TJP2: variants seen among roughly 807,000 people sequenced by gnomAD.
TJP2 encodes Friedreich ataxia region gene X104 (tight junction protein ZO-2).
In TJP2, 91 loss-of-function variants were observed where a neutral mutation model predicts 133.1. The ratio of observed to expected loss-of-function variants is 0.68; its 90% CI spans 0.58 to 0.81. TJP2 has a LOEUF of 0.81. Ranked by LOEUF, TJP2 falls within the 40% of genes least tolerant of loss-of-function variation. The pLI is 0.00. For missense variants in TJP2, 1,541 were observed against 1,565.6 expected, an observed-to-expected ratio of 0.98 and a Z score of 0.26; for synonymous variants, 592 against 583.4, an observed-to-expected ratio of 1.01 and a Z score of -0.21.
At chr9:69,144,586 A>G (rs1419906354) in intron 1 of TJP2, among the ~76,000 whole-genome samples, 1 of 152,218 alleles carries the variant, frequency 6.6e-6, no homozygotes, top group Non-Finnish European at 1.5e-5. Flanking sequence ...CTAAAATTAA[A>G]TTTCACAAAA....
At chr9:69,178,537 T>C (rs1021586764) in intron 1 of TJP2, among the ~76,000 whole-genome samples, 1 of 152,226 alleles carries the variant, frequency 6.6e-6, no homozygotes, top group Admixed American at 6.5e-5. Flanking sequence ...GAGAGCCTGG[T>C]ATACCTTGAC....
chr9:69,239,494 G>A (rs558460599), intron 16 of TJP2, among the ~76,000 whole-genome samples: 5 of 152,284 alleles, frequency 3.3e-5, no homozygotes, highest in African/African-American at 4.8e-5. Flanking sequence ...TGGGCATTAG[G>A]TAGAAGGAAA....
rs375746056 is a variant in TJP2 at position 69,205,120 on chromosome 9, C to T, written c.61-7428C>T. On this transcript the variant is annotated intron_variant, in intron 1 of 22. Transcript: ENST00000377245. ...GAGTGATGGAAATGGGTGAGCAGCC[C>T]GGAATGTAGGCGGTGGCCTGGCCCA... The T allele has an allele frequency of 2.1e-5, 33 of 1,536,190 alleles. No homozygotes were observed. The East Asian group carries it at 3.9e-4, about 18-fold the overall frequency.
Position 69,237,156 on chromosome 9 carries a change from C to T in TJP2, c.2179+20C>T. The stretch of plus-strand genomic sequence containing the variant: ...GAGAAGGTGAGGAAGTCACATGGGG[C>T]CTGGAAATGAACTGACTGGGCTCTG... On this transcript the variant is annotated intron_variant, in intron 14 of 22. Coordinates refer to ENST00000377245, the MANE Select transcript of TJP2 (RefSeq NM_004817.4). 1 of 1,613,756 alleles carries T rather than the reference C, an allele frequency of 6.2e-7. No homozygotes were observed. Among genetic ancestry groups the T allele is most frequent in the Non-Finnish European group, 8.5e-7 (1 of 1,179,796 alleles).
rs10543289 is a variant in TJP2, at chr9:69,152,817, C to CTTTTTTTTTTTT, written c.-10+1066_-10+1077dup. On this transcript the variant is annotated intron_variant, in intron 2 of 5. Transcript: ENST00000423935. ...TTACTGAAATGTTCTCTCTGGAGCT[C>CTTTTTTTTTTTT]TTTTTTTTTTTTTTTTTTTTTTTTT... Among the ~76,000 whole-genome samples the CTTTTTTTTTTTT allele has an allele frequency of 7.1e-4, 34 of 48,032 alleles. 5 individuals carry two copies. The highest frequency in any genetic ancestry group is 9.9e-4 in the Non-Finnish European group (25 of 25,222). 31.5% of individuals were successfully genotyped at this position (48,032 alleles called of 152,430 possible). A position where few individuals can be genotyped will look rare whatever the true frequency, so the allele number is the denominator to read the frequency against.
chr9:69,163,398 G>A (rs149260959), intron 2 of TJP2, among the ~76,000 whole-genome samples: 15,496 of 152,018 alleles, frequency 0.1, 868 homozygotes, highest in South Asian at 0.17. Context: ...CACTTTGGGA[G>A]GCCAAGGCAG....
At chr9:69,169,349 T>C (rs944791396), upstream of TJP2, among the ~76,000 whole-genome samples, 2 of 133,510 alleles carry the variant, frequency 1.5e-5, no homozygotes, top group African/African-American at 5.9e-5. Flanking sequence ...CCTGTAAACT[T>C]TTCTCTTTTT....
chr9:69,218,184 T>G, intron 3 of TJP2, 73 bp from the exon 4 acceptor site: 1 of 1,272,420 alleles, frequency 7.9e-7, no homozygotes, highest in Non-Finnish European at 1.1e-6. Context: ...CTGCTTCTAT[T>G]TGTTCCTAAA....
chr9:69,237,687 A>G (rs1830291732), intron 14 of TJP2, among the ~76,000 whole-genome samples, 191 bp from the exon 15 acceptor site: 1 of 152,182 alleles, frequency 6.6e-6, no homozygotes, highest in Non-Finnish European at 1.5e-5. Context: ...GGTTGAATGA[A>G]AAGAAAAAAA....
chr9:69,158,333 A>G (rs1443350348), intron 2 of TJP2, among the ~76,000 whole-genome samples: 2 of 146,306 alleles, frequency 1.4e-5, no homozygotes, highest in African/African-American at 5.1e-5. Flanking sequence ...GCCTCAAAAA[A>G]AAAAAAAAAA....
At chr9:69,161,448 C>T (rs562558275) in intron 2 of TJP2, among the ~76,000 whole-genome samples, 2 of 152,076 alleles carry the variant, frequency 1.3e-5, no homozygotes, top group Admixed American at 6.6e-5. Context: ...AGGCAGGTCT[C>T]GAACTCCTGA....
In TJP2 at chr9:69,221,091, C is replaced by A. The variant is rs773854691; in HGVS notation, c.547C>A (p.Arg183=). ...CCCGGAAAGGGGGCGTCCCCATGAG[C>A]GGGCCCGGAGCCGGGAGCGGGACCT... ...DSPERGRPHE[R]ARSRERDLSR... The change falls in exon 5 of 23, where the codon CGG becomes AGG. Residue 183 remains arginine (R), a synonymous_variant. Coordinates refer to ENST00000377245, the MANE Select transcript of TJP2 (RefSeq NM_004817.4). 8 of 1,585,870 alleles carry A rather than the reference C, an allele frequency of 5.0e-6. No individual in the cohort carries two copies. In the East Asian group the frequency reaches 1.6e-4, roughly 32 times the overall value.
At chr9:69,136,345 TTCATCTC>T (rs2133262700) in intron 1 of TJP2, among the ~76,000 whole-genome samples, 1 of 152,288 alleles carries the variant, frequency 6.6e-6, no homozygotes, top group African/African-American at 2.4e-5. Context: ...ATAGTGAGAC[TTCATCTC>T]TACTGAAAAA....
chr9:69,130,755 T>G (rs2133235026), intron 1 of TJP2, among the ~76,000 whole-genome samples: 1 of 151,802 alleles, frequency 6.6e-6, no homozygotes, highest in East Asian at 1.9e-4. Flanking sequence ...AGGAATACTG[T>G]GGGGAGGGGT....
chr9:69,242,540 T>C (rs1830645510), intron 17 of TJP2, among the ~76,000 whole-genome samples: 1 of 152,214 alleles, frequency 6.6e-6, no homozygotes, highest in Non-Finnish European at 1.5e-5. Context: ...ATCTAAAACA[T>C]TGAAGTGATC....
chr9:69,173,346 T>A (rs114847434), upstream of TJP2, among the ~76,000 whole-genome samples: 52 of 152,312 alleles, frequency 3.4e-4, no homozygotes, highest in African/African-American at 1.1e-3. Context: ...TTATATGCTC[T>A]TAAAATAAAG....
At chr9:69,239,357 G>A (rs890277720) in intron 16 of TJP2, among the ~76,000 whole-genome samples, 13 of 151,844 alleles carry the variant, frequency 8.6e-5, no homozygotes, top group Non-Finnish European at 2.9e-5. Flanking sequence ...TCACTGTGTG[G>A]AAACCAGTCA....
At chr9:69,199,047 C>T (rs1314758227) in intron 1 of TJP2, among the ~76,000 whole-genome samples, 1 of 152,206 alleles carries the variant, frequency 6.6e-6, no homozygotes, top group Non-Finnish European at 1.5e-5. Context: ...AAGTTTTGTC[C>T]AGTAAGCAGA....
At chr9:69,145,400 C>T (rs778922170) in intron 1 of TJP2, among the ~76,000 whole-genome samples, 9 of 152,144 alleles carry the variant, frequency 5.9e-5, no homozygotes, top group African/African-American at 9.7e-5. Context: ...GATTTATGTG[C>T]GGATTAATTG....
Sources: allele counts gnomAD v4.1 joint callset (sites outside exome capture counted in the v4.1 genomes callset), GRCh38; gene constraint gnomAD v4.1.1; transcripts MANE v1.5; gene names NCBI Gene and HGNC (gene_info 2026-07-23, HGNC 2026-07-21).